ADGRD1: variants seen among roughly 807,000 people sequenced by gnomAD.
ADGRD1 encodes the protein G-protein coupled receptor 133.
In ADGRD1, 77 loss-of-function variants were observed where a neutral mutation model predicts 113.4. That is an observed-to-expected ratio of 0.68 (90% confidence interval 0.57 to 0.82). The LOEUF (loss-of-function observed/expected upper bound fraction) is 0.82, where lower values mean the gene tolerates loss of function less well. Ranked by LOEUF, ADGRD1 falls within the 40% of genes least tolerant of loss-of-function variation. The pLI is 0.00. For synonymous variants in ADGRD1, 474 were observed against 475.0 expected (o/e 1.00, Z 0.03); for missense variants, 1,036 against 1,139.1 (o/e 0.91, Z 1.30).
chr12:131,110,446 AT>A (rs1950325088), intron 18 of ADGRD1, among the ~76,000 whole-genome samples: 1 of 152,102 alleles, frequency 6.6e-6, no homozygotes, highest in African/African-American at 2.4e-5. Flanking sequence ...TTTATACTAA[AT>A]TATAAGATAT....
chr12:130,992,242 C>T lies in ADGRD1; in HGVS notation c.816C>T (p.Pro272=). 1 of 1,608,494 alleles carries T rather than the reference C, an allele frequency of 6.2e-7. No homozygotes were observed. The highest frequency in any genetic ancestry group is 1.1e-5 in the South Asian group (1 of 89,446). ...ATGTTGCCAATTTCTTTCAGATGCC[C>T]ACAGATGCCTACCATCCCATCATAA... ...FMTSTASPVM[P]TDAYHPIITN... Residue 272 remains proline, a synonymous_variant, in exon 8 of 25, where the codon CCC becomes CCT. Coordinates refer to ENST00000261654, the MANE Select transcript of ADGRD1 (RefSeq NM_198827.5).
rs1283089090 is a variant in ADGRD1 at position 131,122,378 on chromosome 12, G to A, written c.2175+1465G>A. ...GCAGAGGGGACGCCTTTGGGGCTGC[G>A]CGCTTGAGCTCTTAGGGTCTGGGGG... is the stretch of plus-strand genomic sequence containing the variant. On this transcript the variant is annotated intron_variant, in intron 20 of 24. Coordinates refer to ENST00000261654, the MANE Select transcript of ADGRD1 (RefSeq NM_198827.5). 8.6e-5 allele frequency among the ~76,000 whole-genome samples: 13 copies of A among 151,954 alleles called. 1 individual carries two copies. The highest frequency in any genetic ancestry group is 6.5e-5 in the Admixed American group (1 of 15,280).
Position 131,087,145 on chromosome 12 carries a change from A to G in ADGRD1, c.1671+2482A>G, listed in dbSNP as rs541744409. On this transcript the variant is annotated intron_variant, in intron 15 of 24. Transcript: ENST00000261654. Reference sequence around the variant, plus strand: ...GGTCTTGAACTCCTGGCTTCAAGCAATCCTCCCACCTTAGCCTACAAAGTG... The same window carrying G: ...GGTCTTGAACTCCTGGCTTCAAGCAGTCCTCCCACCTTAGCCTACAAAGTG... 6.4e-4 allele frequency among the ~76,000 whole-genome samples: 97 copies of G among 152,274 alleles called. No homozygotes were observed. The South Asian group carries it at 0.019, about 30-fold the overall frequency.
At chr12:131,012,028 A>G (rs1426899403) in intron 12 of ADGRD1, among the ~76,000 whole-genome samples, 1 of 152,190 alleles carries the variant, frequency 6.6e-6, no homozygotes, top group Non-Finnish European at 1.5e-5. Flanking sequence ...GAGCCCACGC[A>G]TGCCCAGTGG....
intron 13 of ADGRD1, among the ~76,000 whole-genome samples, chr12:131,074,685 G>C (rs34298151): frequency 0.09 from 13,717 of 152,268 alleles, 842 homozygotes; most frequent in Non-Finnish European, 0.13. Flanking sequence ...CTTGCTGAGA[G>C]CATTTGTTCC....
In ADGRD1 at chr12:131,003,047, G is replaced by A. The variant is rs1243762782; in HGVS notation, c.1027-138G>A. On this transcript the variant is annotated intron_variant, in intron 9 of 24. Transcript: ENST00000261654. The surrounding 1 kb of genome is among the most constrained non-coding windows in gnomAD (Gnocchi z 4.8). Reference sequence around the variant, plus strand: ...CCGTGTGGTCCCCTCCTGATCCATGGGAAGGGGCAGTTGTGTGACTTCTTC... The same window carrying A: ...CCGTGTGGTCCCCTCCTGATCCATGAGAAGGGGCAGTTGTGTGACTTCTTC... 5.2e-6 allele frequency: 4 copies of A among 772,344 alleles called. No homozygotes were observed. The highest frequency in any genetic ancestry group is 6.8e-6 in the Non-Finnish European group (3 of 442,906). 47.8% of individuals were successfully genotyped at this position (772,344 alleles called of 1,614,324 possible).
chr12:131,084,707 C>T lies in ADGRD1; in HGVS notation c.1671+44C>T, dbSNP rs1886331001. On this transcript the variant is annotated intron_variant, in intron 15 of 24. Coordinates refer to ENST00000261654, the MANE Select transcript of ADGRD1 (RefSeq NM_198827.5). The surrounding 1 kb of genome is among the most constrained non-coding windows in gnomAD (Gnocchi z 4.5). ...GGGTCGCGGGACCTGGGGGACGTACCATGAGGCTGCAGGTGGGGGCGGGAG... is the reference window on the plus strand; with the variant it reads ...GGGTCGCGGGACCTGGGGGACGTACTATGAGGCTGCAGGTGGGGGCGGGAG... 1.2e-6 allele frequency: 2 copies of T among 1,604,650 alleles called. No homozygotes were observed. Among genetic ancestry groups the T allele is most frequent in the African/African-American group, 2.7e-5 (2 of 74,758 alleles).
At chr12:131,004,123 T>G (rs1289818706) in intron 10 of ADGRD1, 63 bp from the exon 11 acceptor site, 2 of 1,026,008 alleles carry the variant, frequency 1.9e-6, no homozygotes, top group African/African-American at 3.2e-5. Flanking sequence ...GGTTTTGCAG[T>G]CTGATTTCCT....
chr12:131,132,744 T>C (rs1295355368), intron 21 of ADGRD1, among the ~76,000 whole-genome samples: 3 of 152,182 alleles, frequency 2.0e-5, no homozygotes. Flanking sequence ...TTCACTCATA[T>C]GACCGTGTGA....
intron 8 of ADGRD1, among the ~76,000 whole-genome samples, chr12:130,996,099 G>T (rs1875283730): frequency 2.0e-5 from 3 of 152,146 alleles, no homozygotes; most frequent in Admixed American, 1.3e-4. Flanking sequence ...TGGGGGTAAG[G>T]TCATAGATCA....
chr12:130,956,332 G>A (rs922591056), intron 2 of ADGRD1: 1 of 152,260 alleles, frequency 6.6e-6, no homozygotes, highest in African/African-American at 2.4e-5. Flanking sequence ...CAACTCGGGG[G>A]TGGGGACGCT....
intron 13 of ADGRD1, among the ~76,000 whole-genome samples, chr12:131,052,433 G>A (rs1883490030): frequency 6.6e-6 from 1 of 152,224 alleles, no homozygotes; most frequent in Non-Finnish European, 1.5e-5. Context: ...TCTATAGCTG[G>A]AACATTCAGG....
chr12:131,089,995 A>G (rs562060650), intron 15 of ADGRD1, among the ~76,000 whole-genome samples: 5 of 152,284 alleles, frequency 3.3e-5, no homozygotes, highest in South Asian at 4.1e-4. Flanking sequence ...CTTTCAGCTG[A>G]AAACTGTGTT....
intron 19 of ADGRD1, among the ~76,000 whole-genome samples, chr12:131,119,581 G>C (rs368470837): frequency 1.8e-4 from 28 of 152,340 alleles, no homozygotes; most frequent in African/African-American, 6.3e-4. Flanking sequence ...GGCAGCACCA[G>C]CCAGGTTCAG....
intron 12 of ADGRD1, among the ~76,000 whole-genome samples, chr12:131,010,622 G>A (rs1367521457): frequency 1.3e-5 from 2 of 152,178 alleles, no homozygotes; most frequent in African/African-American, 2.4e-5. Flanking sequence ...GAGCAGCAGC[G>A]TGGCTTTGGC....
intron 12 of ADGRD1, among the ~76,000 whole-genome samples, chr12:131,012,127 T>C (rs77102858): frequency 4.6e-5 from 7 of 152,164 alleles, no homozygotes; most frequent in African/African-American, 1.7e-4. Context: ...GGAATGTTTA[T>C]GTACGTTCTG....
At chr12:131,074,376 T>G (rs1885414149) in intron 13 of ADGRD1, among the ~76,000 whole-genome samples, 1 of 152,204 alleles carries the variant, frequency 6.6e-6, no homozygotes, top group Admixed American at 6.5e-5. Context: ...AGCCCCTGGC[T>G]TGAGGTTTCA....
chr12:131,133,745 A>G (rs1448549885), intron 21 of ADGRD1, among the ~76,000 whole-genome samples: 3 of 152,158 alleles, frequency 2.0e-5, no homozygotes, highest in African/African-American at 7.2e-5. Context: ...CTTAGTGTGG[A>G]TTGTGTAACA....
chr12:131,011,735 C>G (rs1169001617), intron 12 of ADGRD1, among the ~76,000 whole-genome samples: 2 of 152,228 alleles, frequency 1.3e-5, no homozygotes, highest in South Asian at 2.1e-4. Flanking sequence ...CTAAGTGTTG[C>G]TAGCAACGTG....
Sources: gnomAD v4.1 joint callset for allele counts (sites outside exome capture counted in the v4.1 genomes callset) on GRCh38, gnomAD v4.1.1 for gene constraint, Gnocchi (gnomAD v3.1) non-coding constraint, MANE v1.5 for transcripts, NCBI Gene and HGNC (gene_info 2026-07-23, HGNC 2026-07-21) for gene names.